Variants in NALF1 observed in about 807,000 individuals in gnomAD.
NALF1 encodes NALCN channel auxiliary factor 1.
A neutral mutation model predicts 48.4 loss-of-function variants in NALF1; 3 were observed. That is an observed-to-expected ratio of 0.06 (90% CI 0.03 to 0.16). The LOEUF is 0.16. Ranked by LOEUF, NALF1 falls within the 10% of genes least tolerant of loss-of-function variation. NALF1 has a pLI of 1.00. For missense variants in NALF1, 526 were observed against 571.5 expected, an observed-to-expected ratio of 0.92 and a Z score of 0.81; for synonymous variants, 262 against 245.7, an observed-to-expected ratio of 1.07 and a Z score of -0.62.
rs868226162 is a variant in NALF1, at chr13:107,817,491, A to G, written c.915+48191T>C. Among the ~76,000 whole-genome samples the G allele has an allele frequency of 4.6e-5, 7 of 152,102 alleles. No individual in the cohort carries two copies. In the South Asian group the frequency reaches 1.2e-3, roughly 27 times the overall value. On this transcript the variant is annotated intron_variant, in intron 1 of 2. Transcript: ENST00000375915. ...GAATGTTCTTATCTTTAAATCATTC[A>G]CTCTAGGGAGTGCCGGGATTTTAAG...
intron 1 of NALF1, among the ~76,000 whole-genome samples, chr13:107,553,262 A>G (rs1877350725): frequency 6.6e-6 from 1 of 152,216 alleles, no homozygotes; most frequent in South Asian, 2.1e-4. Context: ...CTTGTAATGA[A>G]TGTACTTCAC....
chr13:107,536,499 C>T (rs1876820975), intron 1 of NALF1, among the ~76,000 whole-genome samples: 1 of 152,174 alleles, frequency 6.6e-6, no homozygotes, highest in Admixed American at 6.5e-5. Flanking sequence ...CACTGGCCAT[C>T]AGAGAAATGC....
In NALF1 at chr13:107,442,862, T is replaced by C. The variant is rs148466604; in HGVS notation, c.916-232107A>G. On this transcript the variant is annotated intron_variant, in intron 1 of 2. Transcript: ENST00000375915. ...ATGGTTAAAGTTTTAACTATTGATATAACGGTTAAAAACCAAGTGAAGAAT... is the reference window on the plus strand; with the variant it reads ...ATGGTTAAAGTTTTAACTATTGATACAACGGTTAAAAACCAAGTGAAGAAT... Among the ~76,000 whole-genome samples the C allele has an allele frequency of 3.2e-3, 485 of 152,322 alleles. 3 individuals carry two copies. The highest frequency in any genetic ancestry group is 7.1e-3 in the Admixed American group (109 of 15,300).
chr13:107,540,034 C>T (rs1274124884), intron 1 of NALF1, among the ~76,000 whole-genome samples: 1 of 111,230 alleles, frequency 9.0e-6, no homozygotes, highest in African/African-American at 3.5e-5. Flanking sequence ...AATAGATACC[C>T]ATCAGCTTCT....
At chr13:107,390,478 A>G (rs1247231086) in intron 1 of NALF1, among the ~76,000 whole-genome samples, 1 of 152,240 alleles carries the variant, frequency 6.6e-6, no homozygotes, top group East Asian at 1.9e-4. Context: ...ATCTTAAAAC[A>G]TAAATAAGAT....
intron 1 of NALF1, among the ~76,000 whole-genome samples, chr13:107,723,254 T>A (rs1876041350): frequency 6.6e-6 from 1 of 152,134 alleles, no homozygotes; most frequent in South Asian, 2.1e-4. Context: ...GCCCTGAGAT[T>A]CCAATTTCTA....
intron 1 of NALF1, among the ~76,000 whole-genome samples, chr13:107,678,136 A>C (rs1881180482): frequency 6.6e-6 from 1 of 152,182 alleles, no homozygotes; most frequent in South Asian, 2.1e-4. Context: ...TCCTGGCTAG[A>C]CTATTTGCGA....
intron 2 of NALF1, among the ~76,000 whole-genome samples, chr13:107,203,616 T>G (rs528672109): frequency 3.9e-5 from 6 of 152,180 alleles, no homozygotes. Context: ...ATCCCCGTGG[T>G]GCCCCCTGAC....
chr13:107,754,391 ACACACAC>A (rs1877031433), intron 1 of NALF1, among the ~76,000 whole-genome samples: 1 of 135,836 alleles, frequency 7.4e-6, no homozygotes, highest in South Asian at 2.4e-4. Flanking sequence ...ACACACACAC[ACACACAC>A]CATATATGGA....
chr13:107,206,843 T>C (rs1359031368), intron 2 of NALF1, among the ~76,000 whole-genome samples: 1 of 152,204 alleles, frequency 6.6e-6, no homozygotes, highest in Non-Finnish European at 1.5e-5. Context: ...ATACTTTTTT[T>C]TGAGGTCAAT....
rs1452437267 is a variant in NALF1, at chr13:107,231,363, T to C, written c.916-20608A>G. On this transcript the variant is annotated intron_variant, in intron 1 of 2. Transcript: ENST00000375915. ...TTACAATATTAATGATTTTAAACAT[T>C]ATATAGGTATAATTTATTGGACAGT... Among the ~76,000 whole-genome samples the C allele has an allele frequency of 2.0e-5, 3 of 152,218 alleles. No homozygotes were observed. The South Asian group carries it at 6.2e-4, about 31-fold the overall frequency.
chr13:107,648,272 T>C lies in NALF1; in HGVS notation c.915+217410A>G, dbSNP rs186905933. Among the ~76,000 whole-genome samples, 82 of 152,262 alleles carry C rather than the reference T, an allele frequency of 5.4e-4. 3 individuals are homozygous for C. In the East Asian group the frequency reaches 0.014, roughly 26 times the overall value. ...TTTGACAAATGCCCATCGTCATGGG[T>C]CCACCATTACAGTATCATACAGAAT... is the stretch of plus-strand genomic sequence containing the variant. On this transcript the variant is annotated intron_variant, in intron 1 of 2. Transcript: ENST00000375915.
intron 1 of NALF1, among the ~76,000 whole-genome samples, chr13:107,782,778 A>T (rs1198600990): frequency 6.9e-6 from 1 of 144,858 alleles, no homozygotes; most frequent in Non-Finnish European, 1.5e-5. Flanking sequence ...GTCTCTGCCC[A>T]GCCGCCCCAT....
At chr13:107,369,249 T>C (rs922893939) in intron 1 of NALF1, among the ~76,000 whole-genome samples, 3 of 152,188 alleles carry the variant, frequency 2.0e-5, no homozygotes, top group Non-Finnish European at 4.4e-5. Context: ...TATATTTATG[T>C]TTCAATATAT....
chr13:107,323,549 T>C (rs1210149329), intron 1 of NALF1, among the ~76,000 whole-genome samples: 1 of 152,074 alleles, frequency 6.6e-6, no homozygotes, highest in Non-Finnish European at 1.5e-5. Context: ...ACAAATCTGA[T>C]CAACTTCCTC....
Position 107,168,555 on chromosome 13 carries a change from T to G in NALF1, c.*1942A>C, listed in dbSNP as rs1277415392. On this transcript the variant is annotated 3_prime_UTR_variant, in exon 3 of 3. Transcript: ENST00000375915. ...TTGCATTTTTGGTGTTTTCTTTTTT[T>G]TTGTATTTGCGCAGACCATTTTAAG... 1 of 152,632 alleles carries G rather than the reference T, an allele frequency of 6.6e-6. No individual in the cohort carries two copies. The highest frequency in any genetic ancestry group is 1.5e-5 in the Non-Finnish European group (1 of 68,046). 9.5% of individuals were successfully genotyped at this position (152,632 alleles called of 1,614,324 possible). A position where few individuals can be genotyped will look rare whatever the true frequency, so the allele number is the denominator to read the frequency against.
At chr13:107,793,471 G>A (rs1045349185) in intron 1 of NALF1, among the ~76,000 whole-genome samples, 1 of 152,094 alleles carries the variant, frequency 6.6e-6, no homozygotes, top group African/African-American at 2.4e-5. Flanking sequence ...CCAATACCAT[G>A]CAAAATGCTA....
At chr13:107,755,970 A>C (rs1453051787) in intron 1 of NALF1, among the ~76,000 whole-genome samples, 4 of 152,192 alleles carry the variant, frequency 2.6e-5, no homozygotes, top group Non-Finnish European at 1.5e-5. Flanking sequence ...GAGGTCACTA[A>C]AGAGAAAGAA....
At chr13:107,173,431 T>C (rs77037304) in intron 2 of NALF1, among the ~76,000 whole-genome samples, 4 of 152,226 alleles carry the variant, frequency 2.6e-5, no homozygotes, top group Admixed American at 6.5e-5. Flanking sequence ...CGTTTTTTTT[T>C]CTACAGATAA....
Sources: allele counts gnomAD v4.1 joint callset (sites outside exome capture counted in the v4.1 genomes callset), GRCh38; gene constraint gnomAD v4.1.1; transcripts MANE v1.5; gene names NCBI Gene and HGNC (gene_info 2026-07-23, HGNC 2026-07-21).